RAPSN: variants seen among roughly 807,000 people sequenced by gnomAD.
RAPSN encodes the protein 43 kDa receptor-associated protein of the synapse.
A neutral mutation model predicts 45.7 loss-of-function variants in RAPSN; 33 were observed. The ratio of observed to expected loss-of-function variants is 0.72; its 90% CI spans 0.55 to 0.97. RAPSN has a LOEUF of 0.97. RAPSN is among the 50% of genes least tolerant of loss of function. The pLI, the probability that RAPSN is intolerant of heterozygous loss-of-function variation, is 0.00. For synonymous variants in RAPSN, 244 were observed against 233.6 expected (o/e 1.04, Z -0.40); for missense variants, 519 against 559.4 (o/e 0.93, Z 0.73).
At chr11:47,438,471 C>T (rs2076331947) in intron 7 of RAPSN, 2 of 576,202 alleles carry the variant, frequency 3.5e-6, no homozygotes, top group African/African-American at 1.9e-5. Context: ...TACAGGCTCC[C>T]ACCACCATGC....
intron 7 of RAPSN, 28 bp downstream of exon 7, chr11:47,438,704 C>T (rs1230106711): frequency 2.6e-6 from 4 of 1,552,116 alleles, no homozygotes; most frequent in Non-Finnish European, 2.6e-6. Context: ...TCCTGCCCAC[C>T]CCTGTCCACC....
chr11:47,438,134 G>A (rs908347742), intron 7 of RAPSN, 87 bp from the exon 8 acceptor site: 2 of 1,436,706 alleles, frequency 1.4e-6, no homozygotes, highest in Non-Finnish European at 1.9e-6. Context: ...CCCTCTGCAG[G>A]GGCTGGGATG....
chr11:47,448,991 G>A lies in RAPSN; in HGVS notation c.-27C>T. On this transcript the variant is annotated 5_prime_UTR_variant, in exon 1 of 8. Coordinates refer to ENST00000298854, the MANE Select transcript of RAPSN (RefSeq NM_005055.5). The stretch of plus-strand genomic sequence containing the variant: ...CTCCCCAAGCCCTGTGTCCCACGTG[G>A]GGTGATCCCTGGTGGCTCCGTGCCT... The A allele has an allele frequency of 6.2e-7, 1 of 1,614,146 alleles. No individual in the cohort carries two copies. Among genetic ancestry groups the A allele is most frequent in the Non-Finnish European group, 8.5e-7 (1 of 1,180,000 alleles).
chr11:47,448,024 T>G lies in RAPSN; in HGVS notation c.319A>C (p.Lys107Gln). The G allele has an allele frequency of 6.2e-7, 1 of 1,614,020 alleles. No homozygotes were observed. The highest frequency in any genetic ancestry group is 8.5e-7 in the Non-Finnish European group (1 of 1,180,000). ...GTACCAGGCAGCCCAAGGCAGGTCT[T>G]GCAGTAGGAGATGGTCTTGTGAAAC... ...CEFHKTISYC[K>Q]TCLGLPGTRA... Residue 107 changes from lysine (K) to glutamine (Q), a missense_variant, in exon 2 of 8, where the codon AAG (lysine) becomes CAG (glutamine). Physicochemically the swap from Lys to Gln is moderately conservative, Grantham distance 53. Transcript: ENST00000298854.
At position 47,438,147 on chromosome 11, in the gene RAPSN, T is replaced by A. The variant is rs557582204; in HGVS notation, c.1167-100A>T. The stretch of plus-strand genomic sequence containing the variant: ...TGCCCTCTGCAGGGGCTGGGATGCA[T>A]CCTGGTGGCTGTTCAGCAGCAGTGG... On this transcript the variant is annotated intron_variant, in intron 7 of 7. Coordinates refer to ENST00000298854, the MANE Select transcript of RAPSN (RefSeq NM_005055.5). 54 of 1,352,834 alleles carry A rather than the reference T, an allele frequency of 4.0e-5. No individual in the cohort carries two copies. In the African/African-American group the frequency reaches 7.4e-4, roughly 19 times the overall value. The allele number at this position is 1,352,834 out of a possible 1,614,324, so 83.8% of individuals were successfully genotyped here.
At position 47,437,838 on chromosome 11, in the gene RAPSN, G is replaced by T; in HGVS notation, c.*137C>A. 1 of 1,076,830 alleles carries T rather than the reference G, an allele frequency of 9.3e-7. No individual in the cohort carries two copies. The highest frequency in any genetic ancestry group is 1.6e-5 in the African/African-American group (1 of 64,022). 66.7% of individuals were successfully genotyped at this position (1,076,830 alleles called of 1,614,324 possible). ...AGGGAGGGGAGCTGGGCCCAGGGGA[G>T]CAGCCCTGGGCAGGCCCCAAGGCCT... On this transcript the variant is annotated 3_prime_UTR_variant, in exon 8 of 8. Coordinates refer to ENST00000298854, the MANE Select transcript of RAPSN (RefSeq NM_005055.5).
chr11:47,438,678 G>C (rs1219579457), intron 7 of RAPSN, 54 bp downstream of exon 7: 1 of 1,540,370 alleles, frequency 6.5e-7, no homozygotes, highest in African/African-American at 1.4e-5. Context: ...CTGGGCCCTA[G>C]AGTGCCCCGA....
At position 47,442,797 on chromosome 11, in the gene RAPSN, C is replaced by G. The variant is rs1595899529; in HGVS notation, c.549G>C (p.Leu183=). ...YAQVKDYEKA[L]FFPCKAAELV... is the part of the protein sequence containing the mutation. ...GCTCTGCCGCCTTGCAGGGGAAGAA[C>G]AGGGCTTTCTCGTAGTCCTGCAGGG... Residue 183 remains leucine, a synonymous_variant, in exon 3 of 8, where the codon CTG becomes CTC. Coordinates refer to ENST00000298854, the MANE Select transcript of RAPSN (RefSeq NM_005055.5). 2 of 1,614,228 alleles carry G rather than the reference C, an allele frequency of 1.2e-6. No individual in the cohort carries two copies. The highest frequency in any genetic ancestry group is 2.2e-5 in the East Asian group (1 of 44,886).
At chr11:47,445,087 G>A (rs915552389) in intron 2 of RAPSN, among the ~76,000 whole-genome samples, 1 of 149,544 alleles carries the variant, frequency 6.7e-6, no homozygotes, top group East Asian at 2.0e-4. Context: ...AAAAATTAGC[G>A]GGGCGTGGTG....
intron 6 of RAPSN, 84 bp downstream of exon 6, chr11:47,441,075 T>C (rs2076358220): frequency 1.9e-6 from 3 of 1,545,664 alleles, no homozygotes; most frequent in South Asian, 2.2e-5. Flanking sequence ...ATGACGTGAG[T>C]AGGCTCAGGA....
rs185579360 is a variant in RAPSN, at chr11:47,438,317, C to T, written c.1167-270G>A. Among the ~76,000 whole-genome samples, 6 of 152,192 alleles carry T rather than the reference C, an allele frequency of 3.9e-5. No individual in the cohort carries two copies. The East Asian group carries it at 9.7e-4, about 25-fold the overall frequency. Reference sequence around the variant, plus strand: ...GACCCACGGCAGGTCTGGCCCTGGACGTCCGACCTAATGACCTTTGAGGGG... The same window carrying T: ...GACCCACGGCAGGTCTGGCCCTGGATGTCCGACCTAATGACCTTTGAGGGG... On this transcript the variant is annotated intron_variant, in intron 7 of 7. Coordinates refer to ENST00000298854, the MANE Select transcript of RAPSN (RefSeq NM_005055.5).
intron 2 of RAPSN, among the ~76,000 whole-genome samples, chr11:47,443,515 T>C (rs1384294793): frequency 2.0e-5 from 3 of 152,150 alleles, no homozygotes; most frequent in African/African-American, 4.8e-5. Context: ...CTGTGGAGGA[T>C]GGCTCCTGTT....
At chr11:47,439,558 T>C (rs2076346934) in intron 6 of RAPSN, among the ~76,000 whole-genome samples, 1 of 152,172 alleles carries the variant, frequency 6.6e-6, no homozygotes, top group Non-Finnish European at 1.5e-5. Context: ...CTGATCAGCC[T>C]GATACCCAGG....
chr11:47,440,309 ACT>A (rs1215007592), intron 6 of RAPSN, among the ~76,000 whole-genome samples: 3 of 151,412 alleles, frequency 2.0e-5, no homozygotes, highest in Non-Finnish European at 2.9e-5. Flanking sequence ...ATAAGGTCTC[ACT>A]CTGTTACCCA....
chr11:47,440,800 T>C (rs1022848980), intron 6 of RAPSN, among the ~76,000 whole-genome samples: 1 of 152,114 alleles, frequency 6.6e-6, no homozygotes, highest in African/African-American at 2.4e-5. Context: ...ATGGGTCTCA[T>C]TATGTAGCCC....
intron 7 of RAPSN, 113 bp from the exon 8 acceptor site, chr11:47,438,160 T>A: frequency 8.0e-7 from 1 of 1,252,356 alleles, no homozygotes. Context: ...TGGTGGCTGT[T>A]CAGCAGCAGT....
At position 47,441,865 on chromosome 11, in the gene RAPSN, C is replaced by A. The variant is rs1398686820; in HGVS notation, c.747G>T (p.Leu249=). 1 of 1,595,842 alleles carries A rather than the reference C, an allele frequency of 6.3e-7. No individual in the cohort carries two copies. The highest frequency in any genetic ancestry group is 8.5e-7 in the Non-Finnish European group (1 of 1,175,898). ...TCCGGTGGATGTCAGCGAAGCAGAG[C>A]AGGCAGAGCGCCTGCAGTGGCCGGT... is the stretch of plus-strand genomic sequence containing the variant. ...HGDRPLQALC[L]LCFADIHRSR... Residue 249 remains leucine, a synonymous_variant, in exon 4 of 8, where the codon CTG becomes CTT. Coordinates refer to ENST00000298854, the MANE Select transcript of RAPSN (RefSeq NM_005055.5).
chr11:47,438,685 C>G (rs2076334491), intron 7 of RAPSN, 47 bp downstream of exon 7: 2 of 1,549,474 alleles, frequency 1.3e-6, no homozygotes, highest in South Asian at 2.4e-5. Flanking sequence ...CTAGAGTGCC[C>G]CGAAGAGATC....
chr11:47,437,804 CAA>C lies in RAPSN; in HGVS notation c.*169_*170del, dbSNP rs775688541. ...TTATTTTTCTATAAAGAGCAAAGTACAAAGAGGCAGGGAGGGGAGCTGGGCCC... is the reference window on the plus strand; with the variant it reads ...TTATTTTTCTATAAAGAGCAAAGTACAGAGGCAGGGAGGGGAGCTGGGCCC... On this transcript the variant is annotated 3_prime_UTR_variant, in exon 8 of 8. Coordinates refer to ENST00000298854, the MANE Select transcript of RAPSN (RefSeq NM_005055.5). 186 of 796,070 alleles carry C rather than the reference CAA, an allele frequency of 2.3e-4. 1 individual carries two copies. Among genetic ancestry groups the C allele is most frequent in the South Asian group, 1.8e-3 (124 of 68,272 alleles). The allele number at this position is 796,070 out of a possible 1,614,324, so 49.3% of individuals were successfully genotyped here.
Sources: gnomAD v4.1 joint callset for allele counts (sites outside exome capture counted in the v4.1 genomes callset) on GRCh38, gnomAD v4.1.1 for gene constraint, MANE v1.5 for transcripts, NCBI Gene and HGNC (gene_info 2026-07-23, HGNC 2026-07-21) for gene names.